The following EPB41L3 variants were observed in gnomAD, a reference collection of about 807,000 sequenced individuals.
EPB41L3 encodes the protein band 4.1-like protein 3.
EPB41L3 carries 57 observed loss-of-function variants against 127.1 expected under a neutral mutation model. That is an observed-to-expected ratio of 0.45 (90% CI 0.36 to 0.56). EPB41L3 has a LOEUF of 0.56. Ranked by LOEUF, EPB41L3 falls within the 20% of genes least tolerant of loss-of-function variation. The probability of loss-of-function intolerance (pLI) is 0.00; values close to 1 mark genes in which losing one functional copy is unlikely to be tolerated. For missense variants in EPB41L3, 1,273 were observed against 1,372.2 expected, an observed-to-expected ratio of 0.93 and a Z score of 1.14; for synonymous variants, 572 against 549.5, an observed-to-expected ratio of 1.04 and a Z score of -0.57.
intron 18 of EPB41L3, 52 bp from the exon 19 acceptor site, chr18:5,396,384 T>G: frequency 6.2e-7 from 1 of 1,608,912 alleles, no homozygotes; most frequent in Non-Finnish European, 8.5e-7. Context: ...CATGAACACA[T>G]TGTTTTCTTC....
intron 2 of EPB41L3, among the ~76,000 whole-genome samples, chr18:5,612,992 A>C (rs1305646539): frequency 6.6e-6 from 1 of 152,198 alleles, no homozygotes; most frequent in African/African-American, 2.4e-5. Context: ...TATCCGCCTC[A>C]GCCTCCCAAA....
chr18:5,475,606 C>T (rs2087022345), intron 3 of EPB41L3, among the ~76,000 whole-genome samples: 1 of 152,200 alleles, frequency 6.6e-6, no homozygotes, highest in Admixed American at 6.5e-5. Context: ...GAACTTAAAG[C>T]TGAAGATGAG....
chr18:5,477,765 A>C (rs1236658704), intron 3 of EPB41L3, among the ~76,000 whole-genome samples: 1 of 152,136 alleles, frequency 6.6e-6, no homozygotes, highest in Non-Finnish European at 1.5e-5. Context: ...TGCCCACCAC[A>C]ACGTGTCTTT....
intron 3 of EPB41L3, among the ~76,000 whole-genome samples, chr18:5,459,523 T>C (rs540763227): frequency 6.6e-6 from 1 of 152,324 alleles, no homozygotes; most frequent in Admixed American, 6.5e-5. Context: ...GTAGCTGTTT[T>C]AGATCTTTTT....
At chr18:5,604,807 C>T (rs139927069) in intron 3 of EPB41L3, among the ~76,000 whole-genome samples, 93 of 152,208 alleles carry the variant, frequency 6.1e-4, no homozygotes, top group African/African-American at 2.2e-3. Context: ...GTTTCATTTC[C>T]TCTCCTTATC....
At position 5,404,725 on chromosome 18, in the gene EPB41L3, A is replaced by G. The variant is rs191868427; in HGVS notation, c.2349+2052T>C. Among the ~76,000 whole-genome samples, 18 of 152,290 alleles carry G rather than the reference A, an allele frequency of 1.2e-4. 1 individual carries two copies. In the East Asian group the frequency reaches 3.1e-3, roughly 26 times the overall value. ...TAAGTTGTTCCCTAAACTTTCATTC[A>G]AAGTGGCGATCACTTAGCATTTAGT... On this transcript the variant is annotated intron_variant, in intron 16 of 22. Coordinates refer to ENST00000341928, the MANE Select transcript of EPB41L3 (RefSeq NM_012307.5).
At chr18:5,551,519 G>GT (rs1307446541) in intron 3 of EPB41L3, among the ~76,000 whole-genome samples, 1 of 152,086 alleles carries the variant, frequency 6.6e-6, no homozygotes, top group Non-Finnish European at 1.5e-5. Context: ...GAGCCCAGGA[G>GT]TTTGAGTCCA....
intron 1 of EPB41L3, among the ~76,000 whole-genome samples, chr18:5,621,624 T>G (rs768088099): frequency 7.9e-5 from 12 of 152,238 alleles, no homozygotes; most frequent in Admixed American, 3.3e-4. Context: ...GCCTGTGGTC[T>G]CAGCTATTCG....
chr18:5,450,909 C>T, intron 3 of EPB41L3, among the ~76,000 whole-genome samples: 1 of 152,152 alleles, frequency 6.6e-6, no homozygotes, highest in Non-Finnish European at 1.5e-5. Context: ...GTGGGAGTTA[C>T]ATCTAGAAAC....
At chr18:5,611,094 G>A (rs1355780464) in intron 3 of EPB41L3, among the ~76,000 whole-genome samples, 1 of 152,190 alleles carries the variant, frequency 6.6e-6, no homozygotes, top group Non-Finnish European at 1.5e-5. Context: ...CAGGCCTCCT[G>A]GGCCTCTTTC....
chr18:5,509,827 C>T lies in EPB41L3; in HGVS notation c.-11-20633G>A, dbSNP rs73937146. ...ATAGGAGACTTTGTTATCTTGTTTG[C>T]AATTTTACTACTTTTGATCTTTACC... On this transcript the variant is annotated intron_variant, in intron 1 of 22. Transcript: ENST00000341928. Among the ~76,000 whole-genome samples the T allele has an allele frequency of 9.4e-3, 1,424 of 152,258 alleles. 23 individuals are homozygous for T. Among genetic ancestry groups the T allele is most frequent in the African/African-American group, 0.033 (1,379 of 41,552 alleles).
chr18:5,526,803 T>C (rs2093237776), intron 1 of EPB41L3, among the ~76,000 whole-genome samples: 1 of 152,178 alleles, frequency 6.6e-6, no homozygotes, highest in Non-Finnish European at 1.5e-5. Flanking sequence ...TTTCCTACAG[T>C]GGTCCAAATG....
At chr18:5,476,067 A>G (rs1193749791) in intron 3 of EPB41L3, among the ~76,000 whole-genome samples, 1 of 152,176 alleles carries the variant, frequency 6.6e-6, no homozygotes, top group East Asian at 1.9e-4. Context: ...TTTTTCAACT[A>G]GCACCTCATT....
intron 16 of EPB41L3, among the ~76,000 whole-genome samples, chr18:5,403,992 GAAAT>G (rs1567998777): frequency 2.0e-5 from 3 of 152,078 alleles, no homozygotes; most frequent in African/African-American, 7.2e-5. Flanking sequence ...TTTTAATATA[GAAAT>G]AGGCAATAAT....
At position 5,398,149 on chromosome 18, in the gene EPB41L3, T is replaced by C. The variant is rs368194934; in HGVS notation, c.2350-6A>G. On this transcript the variant is annotated splice_polypyrimidine_tract_variant and splice_region_variant and intron_variant, in intron 16 of 22. Transcript: ENST00000341928. ...TCCCCAGAAGACTGCTTAGTCTGAG[T>C]GAACAAAGAGAGGCAGAGTCAAGCA... is the stretch of plus-strand genomic sequence containing the variant. 3.4e-5 allele frequency: 55 copies of C among 1,613,644 alleles called. No homozygotes were observed. The highest frequency in any genetic ancestry group is 5.3e-5 in the African/African-American group (4 of 74,830).
intron 1 of EPB41L3, among the ~76,000 whole-genome samples, chr18:5,527,286 C>A (rs2093259114): frequency 6.6e-6 from 1 of 152,172 alleles, no homozygotes; most frequent in Admixed American, 6.5e-5. Flanking sequence ...CAAGAAGCTC[C>A]TGCAGTCAGC....
At chr18:5,415,757 A>G (rs1410996421) in intron 13 of EPB41L3, 61 bp downstream of exon 13, 2 of 1,501,246 alleles carry the variant, frequency 1.3e-6, no homozygotes, top group Non-Finnish European at 1.8e-6. Context: ...GCCAGCTAAC[A>G]CTGTTTCGGA....
chr18:5,422,850 T>C (rs2077650288), intron 11 of EPB41L3, among the ~76,000 whole-genome samples: 1 of 152,232 alleles, frequency 6.6e-6, no homozygotes, highest in South Asian at 2.1e-4. Context: ...GGGTAGTAAT[T>C]AGCACAACTA....
At chr18:5,394,528 T>A (rs1304973068) in intron 22 of EPB41L3, 149 bp downstream of exon 22, 7 of 615,348 alleles carry the variant, frequency 1.1e-5, no homozygotes, top group Non-Finnish European at 2.0e-5. Context: ...GACAAACCCA[T>A]AAACCAATTC....
Sources: gnomAD v4.1 joint callset for allele counts (sites outside exome capture counted in the v4.1 genomes callset) on GRCh38, gnomAD v4.1.1 for gene constraint, MANE v1.5 for transcripts, NCBI Gene and HGNC (gene_info 2026-07-23, HGNC 2026-07-21) for gene names.